ADAMTSL1: variants seen among roughly 807,000 people sequenced by gnomAD.
ADAMTSL1 encodes the protein ADAMTS-like protein 1.
A neutral mutation model predicts 201.8 loss-of-function variants in ADAMTSL1; 126 were observed. That is an observed-to-expected ratio of 0.62 (90% CI 0.54 to 0.72). The LOEUF (loss-of-function observed/expected upper bound fraction) is 0.72. ADAMTSL1 is among the 30% of genes least tolerant of loss of function. The pLI, the probability that ADAMTSL1 is intolerant of heterozygous loss-of-function variation, is 0.00. For missense variants in ADAMTSL1, 2,679 were observed against 2,277.8 expected (o/e 1.18, Z -3.59); for synonymous variants, 1,121 against 903.4 (o/e 1.24, Z -4.32).
chr9:18,748,260 G>A (rs1418658463), intron 15 of ADAMTSL1, among the ~76,000 whole-genome samples: 1 of 152,192 alleles, frequency 6.6e-6, no homozygotes, highest in African/African-American at 2.4e-5. Context: ...CCTAGGAGCT[G>A]AAAGAAACCA....
At chr9:18,563,218 G>A (rs776566925) in intron 3 of ADAMTSL1, among the ~76,000 whole-genome samples, 1 of 152,146 alleles carries the variant, frequency 6.6e-6, no homozygotes, top group African/African-American at 2.4e-5. Context: ...TTTTGTTGAT[G>A]TTGATACTAT....
At chr9:18,054,026 A>G (rs774135546) in intron 1 of ADAMTSL1, among the ~76,000 whole-genome samples, 13 of 152,024 alleles carry the variant, frequency 8.6e-5, no homozygotes, top group African/African-American at 9.7e-5. Flanking sequence ...TAGCCTGTGC[A>G]GTTCTGGTTA....
intron 1 of ADAMTSL1, among the ~76,000 whole-genome samples, chr9:18,160,847 AT>A (rs35532729): frequency 0.29 from 34,126 of 119,148 alleles, 4,780 homozygotes; most frequent in Admixed American, 0.39. Flanking sequence ...ACCTGGCTAA[AT>A]TTTTTTTTTT....
intron 15 of ADAMTSL1, among the ~76,000 whole-genome samples, chr9:18,733,611 A>C (rs1227762185): frequency 6.7e-6 from 1 of 148,176 alleles, no homozygotes; most frequent in South Asian, 2.1e-4. Context: ...CATGTTGTAA[A>C]TTACCGACAC....
chr9:18,805,813 G>T (rs1030849126), intron 20 of ADAMTSL1, among the ~76,000 whole-genome samples: 1 of 152,152 alleles, frequency 6.6e-6, no homozygotes, highest in Admixed American at 6.5e-5. Context: ...TTGGCTTCAG[G>T]ATCTCAAACC....
chr9:18,432,799 T>C (rs1330283703), intron 2 of ADAMTSL1, among the ~76,000 whole-genome samples: 1 of 152,198 alleles, frequency 6.6e-6, no homozygotes, highest in African/African-American at 2.4e-5. Flanking sequence ...ATAAATTATT[T>C]GTAGTACGAT....
chr9:18,094,727 AT>A (rs1054565795), intron 1 of ADAMTSL1, among the ~76,000 whole-genome samples: 130 of 145,774 alleles, frequency 8.9e-4, no homozygotes, highest in South Asian at 1.5e-3. Flanking sequence ...TGCCCAGCTA[AT>A]TTTTTTTTTT....
chr9:18,474,373 G>A, intron 1 of ADAMTSL1, 78 bp downstream of exon 1: 1 of 1,376,558 alleles, frequency 7.3e-7, no homozygotes, highest in Non-Finnish European at 1.0e-6. Context: ...GTGTATGTGT[G>A]TTTGTGTGTG....
chr9:17,998,496 G>A (rs771961731), intron 1 of ADAMTSL1, among the ~76,000 whole-genome samples: 6 of 151,866 alleles, frequency 4.0e-5, no homozygotes, highest in South Asian at 4.1e-4. Context: ...CAGATAAAGC[G>A]GTATTAATTG....
chr9:18,500,561 T>C (rs923552147), intron 1 of ADAMTSL1, among the ~76,000 whole-genome samples: 7 of 152,118 alleles, frequency 4.6e-5, no homozygotes, highest in Admixed American at 3.3e-4. Flanking sequence ...GGCTGAACTG[T>C]TTCTAAATTT....
chr9:18,763,313 A>AT (rs1420868687), intron 16 of ADAMTSL1, among the ~76,000 whole-genome samples: 1 of 152,140 alleles, frequency 6.6e-6, no homozygotes, highest in Admixed American at 6.6e-5. Flanking sequence ...CTTTTGAGAG[A>AT]TGTCTAGTCA....
intron 2 of ADAMTSL1, among the ~76,000 whole-genome samples, chr9:18,507,636 T>C (rs1817758847): frequency 6.6e-6 from 1 of 152,220 alleles, no homozygotes; most frequent in African/African-American, 2.4e-5. Flanking sequence ...ACAGCTTAGA[T>C]AGTTCCTGCT....
chr9:18,303,318 C>T (rs1420404423), intron 2 of ADAMTSL1, among the ~76,000 whole-genome samples: 2 of 152,208 alleles, frequency 1.3e-5, no homozygotes, highest in Non-Finnish European at 2.9e-5. Context: ...TTTCTCCACA[C>T]TTTGATCCTC....
intron 2 of ADAMTSL1, among the ~76,000 whole-genome samples, chr9:18,274,934 A>T (rs1377538758): frequency 2.0e-5 from 3 of 152,140 alleles, no homozygotes; most frequent in African/African-American, 7.2e-5. Flanking sequence ...CCATGAGCAA[A>T]AGTTGTTTTC....
At chr9:18,276,590 C>T (rs1350010119) in intron 2 of ADAMTSL1, among the ~76,000 whole-genome samples, 1 of 152,186 alleles carries the variant, frequency 6.6e-6, no homozygotes, top group Non-Finnish European at 1.5e-5. Context: ...TTTTGGCTCA[C>T]AGTTCTGCAG....
chr9:18,272,763 C>A (rs80181179), intron 2 of ADAMTSL1, among the ~76,000 whole-genome samples: 45 of 152,170 alleles, frequency 3.0e-4, no homozygotes, highest in African/African-American at 4.8e-5. Flanking sequence ...CTTCAGCAGA[C>A]CTGGCCCTCT....
At chr9:18,856,434 C>T (rs1826850819) in intron 23 of ADAMTSL1, among the ~76,000 whole-genome samples, 1 of 146,930 alleles carries the variant, frequency 6.8e-6, no homozygotes, top group African/African-American at 2.5e-5. Context: ...CAATGATAAA[C>T]TGGTTGTTGC....
chr9:18,007,550 G>A (rs1013392740), intron 1 of ADAMTSL1, among the ~76,000 whole-genome samples: 1 of 151,898 alleles, frequency 6.6e-6, no homozygotes, highest in South Asian at 2.1e-4. Context: ...ATAATTTGCC[G>A]CTTTTGTCAC....
chr9:18,687,340 C>T (rs1359238352), intron 13 of ADAMTSL1, among the ~76,000 whole-genome samples: 2 of 152,094 alleles, frequency 1.3e-5, no homozygotes, highest in Non-Finnish European at 2.9e-5. Flanking sequence ...ATGTAACAAC[C>T]TATAATTACT....
Sources: allele counts gnomAD v4.1 joint callset (sites outside exome capture counted in the v4.1 genomes callset), GRCh38; gene constraint gnomAD v4.1.1; transcripts MANE v1.5; gene names NCBI Gene and HGNC (gene_info 2026-07-23, HGNC 2026-07-21).